The following ZDHHC20 variants were observed in gnomAD, a reference collection of about 807,000 sequenced individuals.
ZDHHC20 encodes the protein palmitoyltransferase ZDHHC20.
In ZDHHC20, 43 loss-of-function variants were observed where a neutral mutation model predicts 57.8. The observed-to-expected ratio is 0.74, with a 90% CI of 0.58 to 0.96. The LOEUF (loss-of-function observed/expected upper bound fraction) is 0.96. Among genes scored for constraint, ZDHHC20 ranks in the 40% least tolerant of loss-of-function variants. The pLI, the probability that ZDHHC20 is intolerant of heterozygous loss-of-function variation, is 0.00. For synonymous variants in ZDHHC20, 157 were observed against 153.0 expected, an observed-to-expected ratio of 1.03 and a Z score of -0.19; for missense variants, 391 against 441.1, an observed-to-expected ratio of 0.89 and a Z score of 1.02.
At chr13:21,450,082 G>A (rs892870529) in intron 1 of ZDHHC20, among the ~76,000 whole-genome samples, 7 of 152,064 alleles carry the variant, frequency 4.6e-5, no homozygotes, top group African/African-American at 1.7e-4. Flanking sequence ...TCCAGATGGA[G>A]AATGACTTTT....
intron 1 of ZDHHC20, among the ~76,000 whole-genome samples, chr13:21,456,665 T>C (rs1260045239): frequency 6.6e-6 from 1 of 152,218 alleles, no homozygotes; most frequent in East Asian, 1.9e-4. Flanking sequence ...AAATTCTCTC[T>C]AGTTAAAATG....
At chr13:21,407,598 C>T (rs983483633) in intron 4 of ZDHHC20, among the ~76,000 whole-genome samples, 2 of 152,126 alleles carry the variant, frequency 1.3e-5, no homozygotes, top group Non-Finnish European at 1.5e-5. Flanking sequence ...ATGATAGTTT[C>T]TTTTGCTGTG....
intron 1 of ZDHHC20, among the ~76,000 whole-genome samples, chr13:21,446,810 C>G (rs1388607662): frequency 6.6e-6 from 1 of 152,048 alleles, no homozygotes; most frequent in Non-Finnish European, 1.5e-5. Context: ...GGGCTCCCTC[C>G]CTTAGACAAC....
chr13:21,452,840 T>A (rs1055860384), intron 1 of ZDHHC20, among the ~76,000 whole-genome samples: 1 of 151,966 alleles, frequency 6.6e-6, no homozygotes, highest in East Asian at 1.9e-4. Flanking sequence ...AATAAGGAGA[T>A]AGAATCATTT....
intron 1 of ZDHHC20, among the ~76,000 whole-genome samples, chr13:21,435,596 C>A (rs1288293176): frequency 1.3e-5 from 2 of 152,010 alleles, no homozygotes; most frequent in African/African-American, 4.8e-5. Flanking sequence ...GTGAGTGAAT[C>A]AATAAATAAG....
rs369326863 is a variant in ZDHHC20, at chr13:21,422,515, G to C, written c.146-1351C>G. 2.0e-5 allele frequency among the ~76,000 whole-genome samples: 3 copies of C among 152,038 alleles called. No individual in the cohort carries two copies. In the East Asian group the frequency reaches 5.8e-4, roughly 29 times the overall value. On this transcript the variant is annotated intron_variant, in intron 2 of 12. Transcript: ENST00000400590. ...CTCAGAGAACAGAAACTCCAGTCAC[G>C]CAGTTGACCAATGCAGAAATCCAGG...
intron 1 of ZDHHC20, among the ~76,000 whole-genome samples, chr13:21,452,804 A>C (rs1426356241): frequency 6.6e-6 from 1 of 152,202 alleles, no homozygotes; most frequent in East Asian, 1.9e-4. Flanking sequence ...CAATAAAGTA[A>C]CAAAAAGAAT....
At chr13:21,398,203 A>T (rs548340929) in intron 7 of ZDHHC20, among the ~76,000 whole-genome samples, 2 of 152,108 alleles carry the variant, frequency 1.3e-5, no homozygotes, top group Non-Finnish European at 2.9e-5. Context: ...GGTGGCTCAC[A>T]CCTGTAATCC....
chr13:21,426,071 A>G (rs182767684), intron 1 of ZDHHC20, among the ~76,000 whole-genome samples: 2 of 152,294 alleles, frequency 1.3e-5, no homozygotes, highest in African/African-American at 4.8e-5. Flanking sequence ...GTGAATCTAT[A>G]CTCAAGACAA....
At chr13:21,387,672 A>C (rs1157640444) in intron 8 of ZDHHC20, 38 bp from the exon 9 acceptor site, 15 of 1,265,432 alleles carry the variant, frequency 1.2e-5, no homozygotes, top group Non-Finnish European at 1.5e-5. Context: ...TAATTAATCT[A>C]TTTAAAAATT....
At chr13:21,393,424 C>T (rs1469223054) in intron 7 of ZDHHC20, among the ~76,000 whole-genome samples, 1 of 148,844 alleles carries the variant, frequency 6.7e-6, no homozygotes, top group East Asian at 2.0e-4. Context: ...TCACTTAACC[C>T]AGAAGGTGGA....
intron 1 of ZDHHC20, among the ~76,000 whole-genome samples, chr13:21,448,191 G>C (rs1883988172): frequency 1.9e-5 from 1 of 52,780 alleles, no homozygotes; most frequent in Non-Finnish European, 4.8e-5. Flanking sequence ...GGAGGGAGGT[G>C]GGGGGGGTCA....
chr13:21,458,773 G>T (rs1296730314), intron 1 of ZDHHC20, among the ~76,000 whole-genome samples: 1 of 152,216 alleles, frequency 6.6e-6, no homozygotes, highest in African/African-American at 2.4e-5. Context: ...CAGACCCCCG[G>T]TGTCGGCGGG....
rs1455192969 is a variant in ZDHHC20, at chr13:21,448,692, C to T, written c.118+10362G>A. 5.0e-5 allele frequency among the ~76,000 whole-genome samples: 5 copies of T among 99,280 alleles called. 1 individual carries two copies. The highest frequency in any genetic ancestry group is 1.3e-4 in the Non-Finnish European group (5 of 37,714). 65.1% of individuals were successfully genotyped at this position (99,280 alleles called of 152,430 possible). A position where few individuals can be genotyped will look rare whatever the true frequency, so the allele number is the denominator to read the frequency against. ...CTGGGAAGTGAGGAGCCCCTTTGCC[C>T]GGCCACCACCCCGTCTGGGAGGTGT... is the stretch of plus-strand genomic sequence containing the variant. On this transcript the variant is annotated intron_variant, in intron 1 of 12. Transcript: ENST00000400590.
At chr13:21,447,272 T>A (rs1362099370) in intron 1 of ZDHHC20, among the ~76,000 whole-genome samples, 3 of 148,768 alleles carry the variant, frequency 2.0e-5, no homozygotes, top group Admixed American at 1.3e-4. Context: ...ATAGAAGATG[T>A]GAGCGCTCTC....
Position 21,374,421 on chromosome 13 carries a change from G to A in ZDHHC20, c.*2275C>T. 1 of 455,882 alleles carries A rather than the reference G, an allele frequency of 2.2e-6. No individual in the cohort carries two copies. Among genetic ancestry groups the A allele is most frequent in the South Asian group, 1.5e-5 (1 of 64,550 alleles). 28.2% of individuals were successfully genotyped at this position (455,882 alleles called of 1,614,324 possible). On this transcript the variant is annotated 3_prime_UTR_variant, in exon 13 of 13. Transcript: ENST00000400590. The stretch of plus-strand genomic sequence containing the variant: ...GGGGTTTTTTTGTATTTTTAGTGGA[G>A]ACAGGGTTTTGCCATTTTGACCAGG...
chr13:21,398,760 G>C (rs1877197707), intron 7 of ZDHHC20, among the ~76,000 whole-genome samples: 1 of 152,234 alleles, frequency 6.6e-6, no homozygotes, highest in South Asian at 2.1e-4. Context: ...AGGTTGGTTT[G>C]AGACGTGCTG....
chr13:21,417,625 G>C (rs1484443324), intron 3 of ZDHHC20, among the ~76,000 whole-genome samples: 3 of 152,088 alleles, frequency 2.0e-5, no homozygotes, highest in African/African-American at 7.2e-5. Context: ...TTTTAGTAGA[G>C]ATGGGGTTTC....
chr13:21,445,892 T>G (rs1660130711), intron 1 of ZDHHC20, among the ~76,000 whole-genome samples: 1 of 152,174 alleles, frequency 6.6e-6, no homozygotes, highest in African/African-American at 2.4e-5. Context: ...GGAATGCCTC[T>G]CTGATAGGTG....
Sources: gnomAD v4.1 joint callset for allele counts (sites outside exome capture counted in the v4.1 genomes callset) on GRCh38, gnomAD v4.1.1 for gene constraint, MANE v1.5 for transcripts, NCBI Gene and HGNC (gene_info 2026-07-23, HGNC 2026-07-21) for gene names.